EXOC4: variants seen among roughly 807,000 people sequenced by gnomAD.
EXOC4 encodes the protein exocyst complex component 4.
In EXOC4, 71 loss-of-function variants were observed where a neutral mutation model predicts 107.2. That is an observed-to-expected ratio of 0.66 (90% CI 0.55 to 0.81). The LOEUF (loss-of-function observed/expected upper bound fraction) is 0.81. EXOC4 is among the 30% of genes least tolerant of loss of function. The probability of loss-of-function intolerance (pLI) is 0.00; values close to 1 mark genes in which losing one functional copy is unlikely to be tolerated. For missense variants in EXOC4, 1,108 were observed against 1,189.6 expected (o/e 0.93, Z 1.01); for synonymous variants, 456 against 441.2 (o/e 1.03, Z -0.42).
intron 10 of EXOC4, among the ~76,000 whole-genome samples, chr7:133,693,844 A>G (rs750687145): frequency 3.3e-5 from 5 of 152,170 alleles, no homozygotes; most frequent in Non-Finnish European, 7.4e-5. Context: ...AGGCTTCAGA[A>G]AAGAGATTAT....
chr7:133,294,483 C>A (rs777653512), intron 3 of EXOC4, among the ~76,000 whole-genome samples: 2 of 152,070 alleles, frequency 1.3e-5, no homozygotes, highest in East Asian at 1.9e-4. Context: ...CATTTCTAAG[C>A]CTTCCTGAGA....
At chr7:133,353,423 G>GT (rs1048117137) in intron 5 of EXOC4, among the ~76,000 whole-genome samples, 13 of 152,016 alleles carry the variant, frequency 8.6e-5, no homozygotes, top group Admixed American at 2.6e-4. Flanking sequence ...TTGGTTGACA[G>GT]TTTTTTTATT....
At chr7:133,975,681 T>C (rs1301176027) in intron 14 of EXOC4, among the ~76,000 whole-genome samples, 1 of 152,136 alleles carries the variant, frequency 6.6e-6, no homozygotes, top group Non-Finnish European at 1.5e-5. Context: ...TATAAAATGC[T>C]AAGTAATTTT....
At chr7:133,749,485 C>T (rs1312710915) in intron 10 of EXOC4, among the ~76,000 whole-genome samples, 1 of 152,068 alleles carries the variant, frequency 6.6e-6, no homozygotes, top group Non-Finnish European at 1.5e-5. Flanking sequence ...CTCTACCTCC[C>T]AGGTTCAAGT....
At chr7:133,586,061 G>A (rs1313931677) in intron 9 of EXOC4, among the ~76,000 whole-genome samples, 1 of 152,200 alleles carries the variant, frequency 6.6e-6, no homozygotes, top group Admixed American at 6.5e-5. Context: ...CAGGCATGAA[G>A]TATCAAGAGG....
chr7:133,764,257 G>A (rs1390390888), intron 10 of EXOC4, among the ~76,000 whole-genome samples: 1 of 151,940 alleles, frequency 6.6e-6, no homozygotes, highest in East Asian at 1.9e-4. Flanking sequence ...CACTAGGATT[G>A]GCAAACTTTT....
intron 9 of EXOC4, among the ~76,000 whole-genome samples, chr7:133,521,135 T>C (rs1008176070): frequency 5.9e-5 from 9 of 152,220 alleles, no homozygotes; most frequent in Non-Finnish European, 1.2e-4. Context: ...TGTCAGGCTT[T>C]AGCTTTTATT....
intron 9 of EXOC4, among the ~76,000 whole-genome samples, chr7:133,624,848 C>T (rs1008694330): frequency 6.6e-6 from 1 of 151,652 alleles, no homozygotes; most frequent in Non-Finnish European, 1.5e-5. Context: ...CCACCTCAGC[C>T]TCCCAAAGTG....
intron 10 of EXOC4, among the ~76,000 whole-genome samples, chr7:133,635,423 T>C (rs1253219443): frequency 6.6e-6 from 1 of 152,240 alleles, no homozygotes; most frequent in Non-Finnish European, 1.5e-5. Flanking sequence ...GATAATTTAT[T>C]GTGCCTTAGA....
chr7:133,257,597 G>A (rs1795048774), intron 1 of EXOC4, among the ~76,000 whole-genome samples: 1 of 152,188 alleles, frequency 6.6e-6, no homozygotes, highest in Non-Finnish European at 1.5e-5. Flanking sequence ...TAAATGTTGT[G>A]TCACTTTATA....
the EXOC4 span, among the ~76,000 whole-genome samples, chr7:134,093,671 A>G: frequency 6.6e-6 from 1 of 152,178 alleles, no homozygotes; most frequent in Non-Finnish European, 1.5e-5. Flanking sequence ...TCACATGCTC[A>G]TTCATAAACC....
At position 134,020,983 on chromosome 7, in the gene EXOC4, C is replaced by CAAAA. The variant is rs34211829; in HGVS notation, c.2687+13159_2687+13162dup. 1.4e-3 allele frequency among the ~76,000 whole-genome samples: 195 copies of CAAAA among 135,656 alleles called. 2 individuals carry two copies. The highest frequency in any genetic ancestry group is 5.1e-3 in the African/African-American group (184 of 36,244). 89.0% of individuals were successfully genotyped at this position (135,656 alleles called of 152,430 possible). Reference sequence around the variant, plus strand: ...CCTGGGCGACAGAGCAAGACTGTCTCAAAAAAAAAAAAAATATGAAGGGTT... The same window carrying CAAAA: ...CCTGGGCGACAGAGCAAGACTGTCTCAAAAAAAAAAAAAAAAAATATGAAGGGTT... On this transcript the variant is annotated intron_variant, in intron 17 of 17. Coordinates refer to ENST00000253861, the MANE Select transcript of EXOC4 (RefSeq NM_021807.4).
chr7:133,909,707 A>C (rs900278681), intron 12 of EXOC4, among the ~76,000 whole-genome samples: 1 of 152,186 alleles, frequency 6.6e-6, no homozygotes, highest in Non-Finnish European at 1.5e-5. Flanking sequence ...AGGTGTTTTC[A>C]TGTGCAGTCA....
At chr7:133,917,189 G>A (rs897491624) in intron 12 of EXOC4, among the ~76,000 whole-genome samples, 10 of 152,150 alleles carry the variant, frequency 6.6e-5, no homozygotes, top group South Asian at 2.1e-4. Flanking sequence ...TAACACTTCC[G>A]TCACCTTTCA....
At chr7:133,557,461 GC>G (rs1313046767) in intron 9 of EXOC4, among the ~76,000 whole-genome samples, 1 of 152,042 alleles carries the variant, frequency 6.6e-6, no homozygotes, top group Non-Finnish European at 1.5e-5. Flanking sequence ...GATTTCATGG[GC>G]CCAAGGTTAG....
chr7:133,498,477 C>A (rs28402091), intron 9 of EXOC4, among the ~76,000 whole-genome samples: 6 of 152,074 alleles, frequency 3.9e-5, no homozygotes, highest in African/African-American at 1.4e-4. Flanking sequence ...CCCAGCTACT[C>A]GGGAGGCTGA....
rs567659364 is a variant in EXOC4, at chr7:133,332,184, A to T, written c.763+14794A>T. On this transcript the variant is annotated intron_variant, in intron 5 of 17. Coordinates refer to ENST00000253861, the MANE Select transcript of EXOC4 (RefSeq NM_021807.4). ...GGATTTCGTGAATATGACTATAATG[A>T]AACTGGACTTCTTAGTTCTTTTCTT... 4.5e-4 allele frequency among the ~76,000 whole-genome samples: 68 copies of T among 152,334 alleles called. No individual in the cohort carries two copies. The South Asian group carries it at 0.012, about 28-fold the overall frequency.
chr7:133,639,451 T>C (rs763861593), intron 10 of EXOC4, among the ~76,000 whole-genome samples: 11 of 152,176 alleles, frequency 7.2e-5, no homozygotes, highest in Non-Finnish European at 1.3e-4. Context: ...TTTCATTTCA[T>C]GGTCATGAAA....
chr7:133,364,648 T>C (rs1358639647), intron 6 of EXOC4, among the ~76,000 whole-genome samples: 1 of 152,172 alleles, frequency 6.6e-6, no homozygotes, highest in African/African-American at 2.4e-5. Flanking sequence ...TATGCCTTAG[T>C]TGATTCTTAT....
Sources: gnomAD v4.1 joint callset for allele counts (sites outside exome capture counted in the v4.1 genomes callset) on GRCh38, gnomAD v4.1.1 for gene constraint, MANE v1.5 for transcripts, NCBI Gene and HGNC (gene_info 2026-07-23, HGNC 2026-07-21) for gene names.